Variants in KIAA0825 observed in about 807,000 individuals in gnomAD.
KIAA0825 encodes the protein uncharacterized protein KIAA0825.
In KIAA0825, 119 loss-of-function variants were observed where a neutral mutation model predicts 147.6. That is an observed-to-expected ratio of 0.81 (90% confidence interval 0.69 to 0.94). KIAA0825 has a LOEUF of 0.94. Among genes scored for constraint, KIAA0825 ranks in the 40% least tolerant of loss-of-function variants. KIAA0825 has a pLI of 0.00. For missense variants in KIAA0825, 1,381 were observed against 1,472.7 expected (o/e 0.94, Z 1.02); for synonymous variants, 470 against 518.1 (o/e 0.91, Z 1.26).
chr5:94,407,072 A>C (rs1752161661), intron 15 of KIAA0825, among the ~76,000 whole-genome samples: 1 of 152,190 alleles, frequency 6.6e-6, no homozygotes, highest in South Asian at 2.1e-4. Context: ...GAAATAAAAG[A>C]AAAGAAAAAC....
chr5:94,369,757 C>T (rs146171942), intron 20 of KIAA0825, among the ~76,000 whole-genome samples: 2 of 152,088 alleles, frequency 1.3e-5, no homozygotes, highest in Admixed American at 6.5e-5. Flanking sequence ...TATATAGACA[C>T]GATCTCATTT....
intron 20 of KIAA0825, among the ~76,000 whole-genome samples, chr5:94,282,412 A>G (rs973714149): frequency 1.3e-5 from 2 of 152,132 alleles, no homozygotes; most frequent in Non-Finnish European, 2.9e-5. Context: ...CATACCATAA[A>G]GCCATAATAT....
In KIAA0825 at chr5:94,577,648, T is replaced by A. The variant is rs1781326394; in HGVS notation, c.-2+4785A>T. Among the ~76,000 whole-genome samples, 3 of 152,296 alleles carry A rather than the reference T, an allele frequency of 2.0e-5. No individual in the cohort carries two copies. The South Asian group carries it at 6.2e-4, about 32-fold the overall frequency. ...TGGTACTTTCCAAAAACATGCCAAC[T>A]CACTTCACACATAGGTATATTTCTG... On this transcript the variant is annotated intron_variant, in intron 2 of 20. Transcript: ENST00000682413.
rs138521552 is a variant in KIAA0825 at position 94,451,748 on chromosome 5, G to C, written c.2357+1211C>G. ...GTCTTACAGAGTTATGCCTAAAAGAGAATAACTCCAGTGGTTCCAGATATA... is the reference window on the plus strand; with the variant it reads ...GTCTTACAGAGTTATGCCTAAAAGACAATAACTCCAGTGGTTCCAGATATA... On this transcript the variant is annotated intron_variant, in intron 13 of 20. Coordinates refer to ENST00000682413, the MANE Select transcript of KIAA0825 (RefSeq NM_001145678.3). Among the ~76,000 whole-genome samples, 3 of 152,296 alleles carry C rather than the reference G, an allele frequency of 2.0e-5. No homozygotes were observed. The East Asian group carries it at 5.8e-4, about 29-fold the overall frequency.
At chr5:94,532,825 T>TAAA (rs61008891) in intron 3 of KIAA0825, among the ~76,000 whole-genome samples, 1 of 136,524 alleles carries the variant, frequency 7.3e-6, no homozygotes, top group Non-Finnish European at 1.6e-5. Flanking sequence ...TTCTTTAGAT[T>TAAA]AAAAAAAAAA....
At position 94,579,208 on chromosome 5, in the gene KIAA0825, C is replaced by T. The variant is rs1781626613; in HGVS notation, c.-2+3225G>A. Reference sequence around the variant, plus strand: ...GTGCTGGGATTACAGGCGTGAGCCACTGCACCCAGAAACACACTGCTTATG... The same window carrying T: ...GTGCTGGGATTACAGGCGTGAGCCATTGCACCCAGAAACACACTGCTTATG... On this transcript the variant is annotated intron_variant, in intron 2 of 20. Coordinates refer to ENST00000682413, the MANE Select transcript of KIAA0825 (RefSeq NM_001145678.3). Among the ~76,000 whole-genome samples, 3 of 152,208 alleles carry T rather than the reference C, an allele frequency of 2.0e-5. No homozygotes were observed. The South Asian group carries it at 6.2e-4, about 31-fold the overall frequency.
At chr5:94,266,342 A>G (rs1281198982) in intron 20 of KIAA0825, among the ~76,000 whole-genome samples, 1 of 152,198 alleles carries the variant, frequency 6.6e-6, no homozygotes, top group Non-Finnish European at 1.5e-5. Context: ...GAAGATCTGT[A>G]TAACTCAGTA....
chr5:94,525,045 A>T (rs1490139945), intron 3 of KIAA0825, among the ~76,000 whole-genome samples: 2 of 151,836 alleles, frequency 1.3e-5, no homozygotes, highest in Non-Finnish European at 3.0e-5. Flanking sequence ...TATTACTACC[A>T]CCTGATGGCA....
chr5:94,368,899 G>A (rs1336582310), intron 20 of KIAA0825, among the ~76,000 whole-genome samples: 1 of 152,152 alleles, frequency 6.6e-6, no homozygotes, highest in African/African-American at 2.4e-5. Context: ...TGGTTATGGT[G>A]GCTCACACCT....
rs145455047 is a variant in KIAA0825, at chr5:94,497,618, T to C, written c.971-12688A>G. 5.6e-3 allele frequency among the ~76,000 whole-genome samples: 855 copies of C among 152,304 alleles called. 6 individuals are homozygous for C. The highest frequency in any genetic ancestry group is 0.023 in the South Asian group (110 of 4,822). ...ACAAGTCACAGAGCCAGGACTTGAA[T>C]GGCTCTATAATCCATACTTTCAACT... On this transcript the variant is annotated intron_variant, in intron 5 of 20. Coordinates refer to ENST00000682413, the MANE Select transcript of KIAA0825 (RefSeq NM_001145678.3).
rs1325355746 is a variant in KIAA0825, at chr5:94,464,897, G to C, written c.2035C>G (p.Pro679Ala). ...LLASRYARAHPSRKRTPQLRL... is the reference protein window; with the variant it reads ...LLASRYARAHASRKRTPQLRL... ...AACTGTGGAGTTCTTTTACGGCTGGGGTGGGCCCGAGCGTATCTGGAGGCC... is the reference window on the plus strand; with the variant it reads ...AACTGTGGAGTTCTTTTACGGCTGGCGTGGGCCCGAGCGTATCTGGAGGCC... Residue 679 changes from proline to alanine, a missense_variant, in exon 11 of 21, where the codon CCC becomes GCC. Coordinates refer to ENST00000682413, the MANE Select transcript of KIAA0825 (RefSeq NM_001145678.3). 4 of 1,551,348 alleles carry C rather than the reference G, an allele frequency of 2.6e-6. No homozygotes were observed. The highest frequency in any genetic ancestry group is 2.0e-5 in the Admixed American group (1 of 50,946).
chr5:94,196,451 G>A (rs936895170), intron 20 of KIAA0825, among the ~76,000 whole-genome samples: 10 of 151,322 alleles, frequency 6.6e-5, no homozygotes, highest in African/African-American at 7.3e-5. Context: ...TTCTACTGAC[G>A]AAACTTCTTT....
chr5:94,503,076 ATATATATATATG>A (rs1477948695), intron 5 of KIAA0825, among the ~76,000 whole-genome samples: 15 of 139,736 alleles, frequency 1.1e-4, no homozygotes, highest in Admixed American at 3.1e-4. Context: ...AAAAAAAAAT[ATATATATATATG>A]ATATATATAT....
chr5:94,251,383 A>G (rs1375556160), intron 20 of KIAA0825, among the ~76,000 whole-genome samples: 1 of 152,108 alleles, frequency 6.6e-6, no homozygotes, highest in East Asian at 1.9e-4. Flanking sequence ...ATCACAACTT[A>G]TGCCACTTAA....
chr5:94,185,290 T>C (rs1583782550), intron 20 of KIAA0825, among the ~76,000 whole-genome samples: 1 of 152,180 alleles, frequency 6.6e-6, no homozygotes, highest in African/African-American at 2.4e-5. Context: ...TTATATTTCA[T>C]ATACTTCTAG....
At chr5:94,166,263 C>T (rs933998769) in intron 20 of KIAA0825, among the ~76,000 whole-genome samples, 6 of 152,172 alleles carry the variant, frequency 3.9e-5, no homozygotes, top group Admixed American at 3.9e-4. Context: ...AGAGAGCGTT[C>T]ATTATATGGA....
chr5:94,547,672 G>A (rs1165809008), intron 2 of KIAA0825, among the ~76,000 whole-genome samples: 2 of 146,168 alleles, frequency 1.4e-5, no homozygotes, highest in South Asian at 2.1e-4. Flanking sequence ...GGGAGGCGGA[G>A]GTTGCAGTGA....
chr5:94,558,981 T>G (rs1425583588), intron 2 of KIAA0825, among the ~76,000 whole-genome samples: 1 of 152,204 alleles, frequency 6.6e-6, no homozygotes, highest in African/African-American at 2.4e-5. Flanking sequence ...TGACTGTCCA[T>G]AAAAATACAT....
chr5:94,492,101 C>G (rs961649353), intron 5 of KIAA0825, among the ~76,000 whole-genome samples: 1 of 152,152 alleles, frequency 6.6e-6, no homozygotes, highest in Non-Finnish European at 1.5e-5. Flanking sequence ...GACTCCTCCT[C>G]CTCTCTCTGT....
Sources: gnomAD v4.1 joint callset for allele counts (sites outside exome capture counted in the v4.1 genomes callset) on GRCh38, gnomAD v4.1.1 for gene constraint, MANE v1.5 for transcripts, NCBI Gene and HGNC (gene_info 2026-07-23, HGNC 2026-07-21) for gene names.